The following KIF26B variants were observed in gnomAD, a reference collection of about 807,000 sequenced individuals.
KIF26B encodes the protein kinesin family member 26B.
A neutral mutation model predicts 151.2 loss-of-function variants in KIF26B; 63 were observed. That is an observed-to-expected ratio of 0.42 (90% CI 0.34 to 0.51). The LOEUF (loss-of-function observed/expected upper bound fraction) is 0.51, where lower values mean the gene tolerates loss of function less well. Among genes scored for constraint, KIF26B ranks in the 20% least tolerant of loss-of-function variants. KIF26B has a pLI of 0.07. For missense variants in KIF26B, 2,813 were observed against 2,913.6 expected (o/e 0.97, Z 0.79); for synonymous variants, 1,357 against 1,262.1 (o/e 1.08, Z -1.59).
At chr1:245,517,638 G>A (rs1274220602) in intron 4 of KIF26B, among the ~76,000 whole-genome samples, 1 of 152,120 alleles carries the variant, frequency 6.6e-6, no homozygotes, top group Non-Finnish European at 1.5e-5. Flanking sequence ...AGAGAGGAGT[G>A]AACATACAAA....
intron 2 of KIF26B, among the ~76,000 whole-genome samples, chr1:245,343,878 A>T (rs958163290): frequency 2.0e-5 from 3 of 152,232 alleles, no homozygotes; most frequent in African/African-American, 7.2e-5. Context: ...CAACTGATGA[A>T]GGTAACAGTG....
chr1:245,278,230 T>G (rs1670972959), intron 2 of KIF26B, among the ~76,000 whole-genome samples: 1 of 152,174 alleles, frequency 6.6e-6, no homozygotes, highest in Non-Finnish European at 1.5e-5. Context: ...TTACCTGTAT[T>G]GTTTCCCATG....
chr1:245,476,178 C>T lies in KIF26B; in HGVS notation c.1166+56433C>T, dbSNP rs571520325. 2.3e-3 allele frequency among the ~76,000 whole-genome samples: 348 copies of T among 151,818 alleles called. 2 individuals carry two copies. Among genetic ancestry groups the T allele is most frequent in the African/African-American group, 8.1e-3 (334 of 41,476 alleles). Reference sequence around the variant, plus strand: ...ACAAAAGGCCACATATAGTAAACTGCGTTTATATGAAATGTCCAAAATAGG... The same window carrying T: ...ACAAAAGGCCACATATAGTAAACTGTGTTTATATGAAATGTCCAAAATAGG... On this transcript the variant is annotated intron_variant, in intron 4 of 14. Coordinates refer to ENST00000407071, the MANE Select transcript of KIF26B (RefSeq NM_018012.4).
chr1:245,309,927 T>A (rs1308464352), intron 2 of KIF26B, among the ~76,000 whole-genome samples: 3 of 146,784 alleles, frequency 2.0e-5, no homozygotes, highest in Admixed American at 6.9e-5. Flanking sequence ...TATAAATCAA[T>A]AAATATCTCT....
chr1:245,489,934 G>A (rs997069626), intron 4 of KIF26B, among the ~76,000 whole-genome samples: 4 of 152,232 alleles, frequency 2.6e-5, no homozygotes, highest in African/African-American at 9.6e-5. Flanking sequence ...CAATTTGACA[G>A]AAGGAAGAAA....
intron 4 of KIF26B, among the ~76,000 whole-genome samples, chr1:245,529,109 C>T (rs1250737651): frequency 6.6e-6 from 1 of 152,106 alleles, no homozygotes; most frequent in East Asian, 1.9e-4. Context: ...TAAGGCCGCT[C>T]CATCGGAGTC....
chr1:245,658,046 T>A (rs1001088825), intron 10 of KIF26B, among the ~76,000 whole-genome samples: 2 of 152,206 alleles, frequency 1.3e-5, no homozygotes, highest in Non-Finnish European at 2.9e-5. Context: ...CCCTTGCTTG[T>A]CTTATAGGTT....
chr1:245,489,917 A>G (rs771814135), intron 4 of KIF26B, among the ~76,000 whole-genome samples: 18 of 152,254 alleles, frequency 1.2e-4, no homozygotes, highest in Non-Finnish European at 2.4e-4. Flanking sequence ...AGATATTGTT[A>G]ATATCCCAAT....
intron 2 of KIF26B, among the ~76,000 whole-genome samples, chr1:245,342,123 G>A (rs888873646): frequency 1.5e-4 from 23 of 152,186 alleles, no homozygotes; most frequent in African/African-American, 5.3e-4. Context: ...GTCTTTGGCC[G>A]TAGACATTTA....
intron 4 of KIF26B, among the ~76,000 whole-genome samples, chr1:245,425,894 C>T (rs1407455957): frequency 6.6e-6 from 1 of 152,206 alleles, no homozygotes; most frequent in African/African-American, 2.4e-5. Flanking sequence ...TGCCCTCAGA[C>T]ATCACTTCTA....
At chr1:245,360,548 C>T (rs1672796719) in intron 2 of KIF26B, among the ~76,000 whole-genome samples, 1 of 152,090 alleles carries the variant, frequency 6.6e-6, no homozygotes, top group African/African-American at 2.4e-5. Context: ...TTATTGACTC[C>T]CATTTTTACA....
intron 2 of KIF26B, among the ~76,000 whole-genome samples, chr1:245,285,705 G>T (rs1483869157): frequency 2.6e-5 from 4 of 151,420 alleles, no homozygotes; most frequent in Non-Finnish European, 4.4e-5. Flanking sequence ...TACTCTGGGA[G>T]GCCGAGGAGG....
In KIF26B at chr1:245,244,756, T is replaced by TCTCACACACACA. The variant is rs138815719; in HGVS notation, c.465+88074_465+88075insTCACACACACAC. Among the ~76,000 whole-genome samples the TCTCACACACACA allele has an allele frequency of 6.9e-6, 1 of 144,354 alleles. No individual in the cohort carries two copies. The highest frequency in any genetic ancestry group is 1.5e-5 in the Non-Finnish European group (1 of 66,336). The allele number at this position is 144,354 out of a possible 152,430, so 94.7% of individuals were successfully genotyped here. On this transcript the variant is annotated intron_variant, in intron 2 of 14. Coordinates refer to ENST00000407071, the MANE Select transcript of KIF26B (RefSeq NM_018012.4). The surrounding 1 kb of genome is among the most constrained non-coding windows in gnomAD (Gnocchi z 4.2). ...AGAAGGAACACACAGACACGCACAC[T>TCTCACACACACA]CACACACACACACACACACACACAC... is the stretch of plus-strand genomic sequence containing the variant.
chr1:245,611,975 A>C lies in KIF26B; in HGVS notation c.2097A>C (p.Gly699=), dbSNP rs760842328. ...QYRMEKSGKG[G]MSGGRSRLHL... is the part of the protein sequence containing the mutation. ...GGATGGAGAAGAGCGGGAAAGGGGG[A>C]AGTAAGTCGGCCACTCCACCCTCCT... Residue 699 remains glycine, a splice_region_variant and synonymous_variant, in exon 9 of 15, where the codon GGA becomes GGC. Coordinates refer to ENST00000407071, the MANE Select transcript of KIF26B (RefSeq NM_018012.4). 2.0e-5 allele frequency: 32 copies of C among 1,610,054 alleles called. No homozygotes were observed. The South Asian group carries it at 3.5e-4, about 18-fold the overall frequency.
chr1:245,450,360 G>A (rs946383374), intron 4 of KIF26B, among the ~76,000 whole-genome samples: 1 of 152,118 alleles, frequency 6.6e-6, no homozygotes, highest in Admixed American at 6.5e-5. Flanking sequence ...AAAGATTTTC[G>A]CTGTTGCCTC....
chr1:245,568,304 T>C (rs2043031777), intron 5 of KIF26B, among the ~76,000 whole-genome samples: 1 of 149,248 alleles, frequency 6.7e-6, no homozygotes, highest in African/African-American at 2.5e-5. Flanking sequence ...TCACTTGAGC[T>C]CAGGAGTTCA....
intron 4 of KIF26B, among the ~76,000 whole-genome samples, chr1:245,537,692 G>T (rs1004029591): frequency 8.5e-5 from 13 of 152,168 alleles, no homozygotes; most frequent in African/African-American, 3.1e-4. Flanking sequence ...GAAGTCATTG[G>T]AAGGATGGAA....
chr1:245,669,304 GA>G (rs2044255001), intron 10 of KIF26B, among the ~76,000 whole-genome samples: 1 of 152,158 alleles, frequency 6.6e-6, no homozygotes, highest in Non-Finnish European at 1.5e-5. Flanking sequence ...AGATGCTAAA[GA>G]AAAATTAGTT....
At chr1:245,435,589 C>T (rs957656808) in intron 4 of KIF26B, among the ~76,000 whole-genome samples, 1 of 152,176 alleles carries the variant, frequency 6.6e-6, no homozygotes, top group Non-Finnish European at 1.5e-5. Context: ...GCATGATAAA[C>T]ATTTGGTAAG....
Sources: gnomAD v4.1 joint callset for allele counts (sites outside exome capture counted in the v4.1 genomes callset) on GRCh38, gnomAD v4.1.1 for gene constraint, Gnocchi (gnomAD v3.1) non-coding constraint, MANE v1.5 for transcripts, NCBI Gene and HGNC (gene_info 2026-07-23, HGNC 2026-07-21) for gene names.